Variants in ANO7 observed in about 807,000 individuals in gnomAD.
ANO7 encodes the protein anoctamin-7.
Under a neutral mutation model 115.8 loss-of-function variants are expected in ANO7, and 114 were observed. The ratio of observed to expected loss-of-function variants is 0.98; its 90% CI spans 0.85 to 1.15. The LOEUF (loss-of-function observed/expected upper bound fraction) is 1.15. Among genes scored for constraint, ANO7 ranks in the 50% most tolerant of loss-of-function variants. The pLI, the probability that ANO7 is intolerant of heterozygous loss-of-function variation, is 0.00. For missense variants in ANO7, 1,302 were observed against 1,201.2 expected (o/e 1.08, Z -1.24); for synonymous variants, 550 against 498.2 (o/e 1.10, Z -1.38).
the ANO7 span, chr2:241,234,004 G>C: frequency 6.2e-7 from 1 of 1,611,098 alleles, no homozygotes; most frequent in Non-Finnish European, 8.5e-7. Flanking sequence ...AGATTGAGCT[G>C]ATCCACCCTG....
chr2:241,197,136 G>C (rs992032872), intron 4 of ANO7, among the ~76,000 whole-genome samples: 1 of 152,186 alleles, frequency 6.6e-6, no homozygotes, highest in Non-Finnish European at 1.5e-5. Flanking sequence ...GTCTCGCTCT[G>C]TTGCCCAGGC....
At chr2:241,212,757 G>C in intron 17 of ANO7, 131 bp downstream of exon 17, 1 of 1,020,964 alleles carries the variant, frequency 9.8e-7, no homozygotes, top group Admixed American at 2.4e-5. Context: ...GCCAGGGCCA[G>C]CTGTGCAGCT....
At chr2:241,211,625 GA>G (rs2068722156) in intron 15 of ANO7, among the ~76,000 whole-genome samples, 1 of 152,220 alleles carries the variant, frequency 6.6e-6, no homozygotes, top group Admixed American at 6.5e-5. Flanking sequence ...GTCTCAGGGA[GA>G]GGTTCCTGGT....
At chr2:241,220,531 T>A (rs2068986649) in intron 21 of ANO7, among the ~76,000 whole-genome samples, 1 of 152,088 alleles carries the variant, frequency 6.6e-6, no homozygotes, top group South Asian at 2.1e-4. Flanking sequence ...ACTCCATCCC[T>A]GTTAAAAATA....
chr2:241,236,511 ACTGCCG>A, the ANO7 span: 9 of 1,172,942 alleles, frequency 7.7e-6, no homozygotes, highest in Non-Finnish European at 1.0e-5. Flanking sequence ...CTCCACTGCC[ACTGCCG>A]CTTGGGCAAC....
At chr2:241,217,662 C>G in intron 19 of ANO7, 24 bp from the exon 20 acceptor site, 1 of 1,558,544 alleles carries the variant, frequency 6.4e-7, no homozygotes, top group Non-Finnish European at 8.7e-7. Context: ...GGCGGAGAGC[C>G]CGGCCGTGAC....
chr2:241,228,889 T>TACCAC (rs2069387918), downstream of ANO7: 1 of 152,766 alleles, frequency 6.5e-6, no homozygotes, highest in South Asian at 2.1e-4. Context: ...AGATGGTGCC[T>TACCAC]ACCACCTTGC....
chr2:241,201,749 G>A (rs1038613482), intron 7 of ANO7, among the ~76,000 whole-genome samples: 1 of 152,224 alleles, frequency 6.6e-6, no homozygotes. Flanking sequence ...GCCTGTTCCT[G>A]AGGCCTACCC....
At chr2:241,230,281 G>A (rs370202133), downstream of ANO7, 28 of 1,524,728 alleles carry the variant, frequency 1.8e-5, no homozygotes, top group Non-Finnish European at 2.1e-5. This position sits in a 1 kb window ranked among gnomAD's most constrained non-coding sequence, Gnocchi z 5.0. Flanking sequence ...TGGAAGGGGT[G>A]TACAACGTCA....
downstream of ANO7, chr2:241,230,048 C>T (rs2069556840): frequency 3.2e-6 from 5 of 1,582,248 alleles, no homozygotes; most frequent in Admixed American, 6.9e-5. This position sits in a 1 kb window ranked among gnomAD's most constrained non-coding sequence, Gnocchi z 5.0. Context: ...CCTCGCCTGC[C>T]TCTGGAAACA....
rs575211190 is a variant in ANO7, at chr2:241,202,896, G to A, written c.724-437G>A. ...AGGGGTCCAGTCCTGCCCCAACGCC[G>A]TCATGAGGGTTAAATGAAAAAGTGG... is the stretch of plus-strand genomic sequence containing the variant. On this transcript the variant is annotated intron_variant, in intron 8 of 24. Transcript: ENST00000674324. 2.3e-4 allele frequency among the ~76,000 whole-genome samples: 35 copies of A among 152,296 alleles called. 1 individual carries two copies. Among genetic ancestry groups the A allele is most frequent in the Admixed American group, 5.2e-4 (8 of 15,310 alleles).
intron 11 of ANO7, 27 bp downstream of exon 11, chr2:241,207,697 G>A: frequency 6.2e-7 from 1 of 1,605,916 alleles, no homozygotes; most frequent in Non-Finnish European, 8.5e-7. Context: ...GTGGGGTAAG[G>A]GATTTGAGAG....
the ANO7 span, chr2:241,236,342 C>T: frequency 4.0e-6 from 2 of 498,068 alleles, no homozygotes; most frequent in South Asian, 4.8e-5. Flanking sequence ...TTCCACAGCC[C>T]CCGCACCCAC....
intron 4 of ANO7, among the ~76,000 whole-genome samples, chr2:241,197,109 T>C (rs563106445): frequency 6.6e-6 from 1 of 152,306 alleles, no homozygotes; most frequent in East Asian, 1.9e-4. Flanking sequence ...TGTTTGTTTG[T>C]TTGTTTTTGA....
intron 4 of ANO7, among the ~76,000 whole-genome samples, chr2:241,197,256 C>T (rs1391687226): frequency 7.2e-5 from 11 of 152,168 alleles, no homozygotes; most frequent in African/African-American, 1.7e-4. Context: ...CCCACCACCA[C>T]GCCCAGCCAA....
intron 4 of ANO7, among the ~76,000 whole-genome samples, chr2:241,197,804 C>G (rs932356635): frequency 2.6e-5 from 4 of 152,094 alleles, no homozygotes; most frequent in Non-Finnish European, 4.4e-5. Flanking sequence ...GTGTGTACCA[C>G]CACACCCAGC....
chr2:241,219,249 G>C (rs2068950238), intron 21 of ANO7, among the ~76,000 whole-genome samples: 1 of 152,196 alleles, frequency 6.6e-6, no homozygotes, highest in African/African-American at 2.4e-5. Flanking sequence ...CCTAATGTTG[G>C]AGCAAATCTC....
At chr2:241,226,046 T>C (rs2069160587), downstream of ANO7, among the ~76,000 whole-genome samples, 2 of 152,174 alleles carry the variant, frequency 1.3e-5, no homozygotes, top group South Asian at 2.1e-4. Context: ...GAACAAACTG[T>C]TGTAACCAGC....
In ANO7 at chr2:241,218,235, C is replaced by G. The variant is rs1276776408; in HGVS notation, c.2179-4C>G. On this transcript the variant is annotated splice_polypyrimidine_tract_variant and splice_region_variant and intron_variant, in intron 20 of 24. Transcript: ENST00000674324. ...CGCCTCGCGCTGACCCCTCCGGCGC[C>G]CAGGCCTTCCTCCTGGCCTTCTCGT... 2.7e-6 allele frequency: 4 copies of G among 1,492,836 alleles called. No homozygotes were observed. The highest frequency in any genetic ancestry group is 2.9e-5 in the African/African-American group (2 of 68,538). 92.5% of individuals were successfully genotyped at this position (1,492,836 alleles called of 1,614,324 possible). A position where few individuals can be genotyped will look rare whatever the true frequency, so the allele number is the denominator to read the frequency against.
Sources: allele counts gnomAD v4.1 joint callset (sites outside exome capture counted in the v4.1 genomes callset), GRCh38; gene constraint gnomAD v4.1.1; non-coding constraint Gnocchi (gnomAD v3.1); transcripts MANE v1.5; gene names NCBI Gene and HGNC (gene_info 2026-07-23, HGNC 2026-07-21).